Variants in OTX1 observed in about 807,000 individuals in gnomAD.
The protein encoded by OTX1 is orthodenticle homeobox 1.
Under a neutral mutation model 26.7 loss-of-function variants are expected in OTX1, and 7 were observed. The observed-to-expected ratio is 0.26, with a 90% CI of 0.15 to 0.49. OTX1 has a LOEUF of 0.49. Among genes scored for constraint, OTX1 ranks in the 20% least tolerant of loss-of-function variants. OTX1 has a pLI of 0.98. For missense variants in OTX1, 414 were observed against 483.8 expected, an observed-to-expected ratio of 0.86 and a Z score of 1.35; for synonymous variants, 216 against 212.8, an observed-to-expected ratio of 1.01 and a Z score of -0.13.
chr2:63,052,434 CT>C (rs2062032887), intron 2 of OTX1, among the ~76,000 whole-genome samples: 1 of 152,256 alleles, frequency 6.6e-6, no homozygotes, highest in Non-Finnish European at 1.5e-5. Flanking sequence ...CACATTGGCC[CT>C]TTGTAGTCTC....
chr2:63,056,104 C>G lies in OTX1; in HGVS notation c.853C>G (p.Pro285Ala). 1 of 1,614,040 alleles carries G rather than the reference C, an allele frequency of 6.2e-7. No homozygotes were observed. Among genetic ancestry groups the G allele is most frequent in the African/African-American group, 1.3e-5 (1 of 75,016 alleles). The change falls in exon 5 of 5, where the codon CCG becomes GCG. Residue 285 changes from proline to alanine, a missense_variant. This residue lies in a region of OTX1 where 320 missense variants were observed against 347.9 expected (regional missense o/e 0.92). Transcript: ENST00000282549. ...HHHHHPHAHH[P>A]LSQSSGHHHH... is the part of the protein sequence containing the mutation. ...TCATCACCACCCACATGCGCACCACCCGTTGAGCCAGTCCTCAGGCCACCA... is the reference window on the plus strand; with the variant it reads ...TCATCACCACCCACATGCGCACCACGCGTTGAGCCAGTCCTCAGGCCACCA...
chr2:63,054,939 C>T (rs2062052781), intron 4 of OTX1, among the ~76,000 whole-genome samples: 1 of 152,178 alleles, frequency 6.6e-6, no homozygotes, highest in African/African-American at 2.4e-5. Flanking sequence ...TTCCCGAGTC[C>T]CTCAAGTACT....
At chr2:63,053,910 A>C in intron 3 of OTX1, 137 bp from the exon 4 acceptor site, 2 of 1,010,640 alleles carry the variant, frequency 2.0e-6, no homozygotes, top group Non-Finnish European at 2.8e-6. Flanking sequence ...CGGCCGCCCG[A>C]GGGAGTTTCT....
intron 3 of OTX1, chr2:63,053,389 C>T (rs1226958989): frequency 2.9e-6 from 1 of 347,228 alleles, no homozygotes; most frequent in Non-Finnish European, 5.1e-6. Flanking sequence ...GATTCGCTAC[C>T]CAGGGGCGGC....
At chr2:63,052,265 G>C (rs1297914671) in intron 2 of OTX1, 3 of 152,514 alleles carry the variant, frequency 2.0e-5, no homozygotes, top group African/African-American at 7.2e-5. Flanking sequence ...CCGTTACTGC[G>C]GTTGAGGTGC....
Position 63,055,424 on chromosome 2 carries a change from T to G in OTX1, c.250-77T>G. The stretch of plus-strand genomic sequence containing the variant: ...GGATTGCGATATTCTGGACCGGGAG[T>G]TGGGTCCGCGGGGCGGTGGAGCAAC... On this transcript the variant is annotated intron_variant, in intron 4 of 4. Coordinates refer to ENST00000282549, the MANE Select transcript of OTX1 (RefSeq NM_014562.4). The surrounding 1 kb of genome is among the most constrained non-coding windows in gnomAD (Gnocchi z 5.2). The G allele has an allele frequency of 2.7e-6, 4 of 1,456,120 alleles. No individual in the cohort carries two copies. The highest frequency in any genetic ancestry group is 3.7e-6 in the Non-Finnish European group (4 of 1,068,928). 90.2% of individuals were successfully genotyped at this position (1,456,120 alleles called of 1,614,324 possible). A position where few individuals can be genotyped will look rare whatever the true frequency, so the allele number is the denominator to read the frequency against.
chr2:63,053,402 G>C (rs1441639728), intron 3 of OTX1: 1 of 319,764 alleles, frequency 3.1e-6, no homozygotes, highest in East Asian at 5.5e-5. Context: ...GGGGCGGCTA[G>C]TATTTTTCCT....
rs761620975 is a variant in OTX1 at position 63,055,575 on chromosome 2, CAAG to C, written c.331_333del (p.Lys111del). The C allele has an allele frequency of 1.6e-4, 253 of 1,614,166 alleles. No individual in the cohort carries two copies. Among genetic ancestry groups the C allele is most frequent in the Non-Finnish European group, 1.9e-4 (230 of 1,180,032 alleles). On this transcript the variant is annotated inframe_deletion, in exon 5 of 5. Coordinates refer to ENST00000282549, the MANE Select transcript of OTX1 (RefSeq NM_014562.4). The surrounding 1 kb of genome is among the most constrained non-coding windows in gnomAD (Gnocchi z 5.2). Reference sequence around the variant, plus strand: ...GGAGCGGAACCAAGAGCCGCCCAGCCAAGAAGAAGTCCTCTCCAGTGCGGGAGA... The same window carrying C: ...GGAGCGGAACCAAGAGCCGCCCAGCCAAGAAGTCCTCTCCAGTGCGGGAGA...
intron 4 of OTX1, 114 bp downstream of exon 4, chr2:63,054,312 C>A: frequency 9.4e-7 from 1 of 1,062,810 alleles, no homozygotes; most frequent in Non-Finnish European, 1.3e-6. Flanking sequence ...GGTGGGCTTA[C>A]AGACTGGGCA....
In OTX1 at chr2:63,053,020, C is replaced by G; in HGVS notation, c.30C>G (p.Tyr10Ter). 6.2e-7 allele frequency: 1 copy of G among 1,609,676 alleles called. No individual in the cohort carries two copies. Among genetic ancestry groups the G allele is most frequent in the Non-Finnish European group, 8.5e-7 (1 of 1,178,452 alleles). The change falls in exon 3 of 5, where the codon TAC (tyrosine) becomes TAG (stop). Residue 10 changes from tyrosine (Y) to a stop codon, truncating the protein, a stop_gained. Coordinates refer to ENST00000282549, the MANE Select transcript of OTX1 (RefSeq NM_014562.4). LOFTEE classifies it high-confidence loss of function. MMSYLKQPPYGMNGLGLAGP... is the reference protein window; with the variant it reads MMSYLKQPP ...TGTCTTACCTCAAACAACCCCCATACGGCATGAACGGGCTGGGCCTGGCCG... is the reference window on the plus strand; with the variant it reads ...TGTCTTACCTCAAACAACCCCCATAGGGCATGAACGGGCTGGGCCTGGCCG...
Position 63,055,405 on chromosome 2 carries a change from C to A in OTX1, c.250-96C>A, listed in dbSNP as rs941317323. On this transcript the variant is annotated intron_variant, in intron 4 of 4. Transcript: ENST00000282549. This position sits in a 1 kb window ranked among gnomAD's most constrained non-coding sequence, Gnocchi z 5.2. Reference sequence around the variant, plus strand: ...CGGAGGCCTCGGTGAGAAAGGATTGCGATATTCTGGACCGGGAGTTGGGTC... The same window carrying A: ...CGGAGGCCTCGGTGAGAAAGGATTGAGATATTCTGGACCGGGAGTTGGGTC... 3.8e-5 allele frequency: 51 copies of A among 1,326,400 alleles called. No individual in the cohort carries two copies. The highest frequency in any genetic ancestry group is 5.3e-5 in the Non-Finnish European group (51 of 963,900). The allele number at this position is 1,326,400 out of a possible 1,614,324, so 82.2% of individuals were successfully genotyped here.
Sources: gnomAD v4.1 joint callset for allele counts (sites outside exome capture counted in the v4.1 genomes callset) on GRCh38, gnomAD v4.1.1 for gene constraint, gnomAD v4.1.1 regional missense constraint, Gnocchi (gnomAD v3.1) non-coding constraint, MANE v1.5 for transcripts, NCBI Gene and HGNC (gene_info 2026-07-23, HGNC 2026-07-21) for gene names.